KAZN: variants seen among roughly 807,000 people sequenced by gnomAD.
The protein encoded by KAZN is kazrin.
Under a neutral mutation model 87.4 loss-of-function variants are expected in KAZN, and 40 were observed. The observed-to-expected ratio is 0.46, with a 90% CI of 0.36 to 0.60. The LOEUF is 0.60. KAZN is among the 20% of genes least tolerant of loss of function. The pLI is 0.00. For synonymous variants in KAZN, 466 were observed against 458.3 expected (o/e 1.02, Z -0.22); for missense variants, 898 against 1,073.9 (o/e 0.84, Z 2.29).
intron 1 of KAZN, among the ~76,000 whole-genome samples, chr1:14,611,117 T>C (rs368062410): frequency 1.6e-4 from 25 of 152,284 alleles, no homozygotes; most frequent in African/African-American, 6.0e-4. Context: ...GGGCATTTTT[T>C]TCTGTGCATC....
At chr1:14,161,281 G>A (rs935006150) in intron 1 of KAZN, among the ~76,000 whole-genome samples, 4 of 152,194 alleles carry the variant, frequency 2.6e-5, no homozygotes, top group African/African-American at 9.7e-5. Flanking sequence ...TATGGGGCAG[G>A]AATTGTGGAG....
intron 1 of KAZN, among the ~76,000 whole-genome samples, chr1:14,849,111 G>T (rs1649134665): frequency 6.6e-6 from 1 of 152,176 alleles, no homozygotes; most frequent in African/African-American, 2.4e-5. Flanking sequence ...ACTCCCAGGG[G>T]AAAGTAGGAT....
intron 2 of KAZN, among the ~76,000 whole-genome samples, chr1:14,436,635 T>C (rs897115717): frequency 6.6e-6 from 1 of 150,378 alleles, no homozygotes; most frequent in African/African-American, 2.5e-5. Flanking sequence ...GGAGGATCAC[T>C]TGAACCCAGG....
At chr1:14,635,265 C>G (rs75569848) in intron 1 of KAZN, among the ~76,000 whole-genome samples, 1 of 152,234 alleles carries the variant, frequency 6.6e-6, no homozygotes, top group Non-Finnish European at 1.5e-5. Flanking sequence ...AGTCCTTCAC[C>G]TGCTCTAAGT....
chr1:14,944,491 C>T (rs1354724696), intron 1 of KAZN, among the ~76,000 whole-genome samples: 1 of 152,210 alleles, frequency 6.6e-6, no homozygotes, highest in East Asian at 1.9e-4. Flanking sequence ...GCAGGTCTCT[C>T]TCGCCTTCGA....
intron 1 of KAZN, among the ~76,000 whole-genome samples, chr1:13,987,364 C>T (rs549993385): frequency 9.2e-5 from 14 of 152,186 alleles, no homozygotes; most frequent in African/African-American, 3.4e-4. Context: ...ATGTTCCCCT[C>T]CCTGTGTCCA....
At chr1:14,775,350 G>A (rs950908727) in intron 1 of KAZN, among the ~76,000 whole-genome samples, 1 of 152,242 alleles carries the variant, frequency 6.6e-6, no homozygotes, top group Admixed American at 6.5e-5. Flanking sequence ...TGAGCATTCT[G>A]TTGTTCCAGC....
chr1:14,700,532 G>T (rs1641865154), intron 1 of KAZN, among the ~76,000 whole-genome samples: 1 of 151,758 alleles, frequency 6.6e-6, no homozygotes, highest in African/African-American at 2.4e-5. Context: ...TATTCTCCCA[G>T]TCTCTGATGG....
chr1:14,128,500 G>T (rs1437234676), intron 1 of KAZN, among the ~76,000 whole-genome samples: 1 of 152,172 alleles, frequency 6.6e-6, no homozygotes, highest in Non-Finnish European at 1.5e-5. Flanking sequence ...TCCTCGGCTT[G>T]CAGACAGCGG....
chr1:14,128,960 C>T (rs1425961775), intron 1 of KAZN, among the ~76,000 whole-genome samples: 1 of 152,144 alleles, frequency 6.6e-6, no homozygotes. Flanking sequence ...AGAAGCCATT[C>T]CATCTTTAAG....
intron 1 of KAZN, among the ~76,000 whole-genome samples, chr1:14,147,310 A>G (rs12738487): frequency 0.2 from 30,879 of 152,058 alleles, 3,862 homozygotes; most frequent in East Asian, 0.6. Flanking sequence ...GGTCAACTGT[A>G]TAATGTTGAA....
Position 15,055,441 on chromosome 1 carries a change from A to C in KAZN, c.727-650A>C, listed in dbSNP as rs189936040. 1.6e-3 allele frequency among the ~76,000 whole-genome samples: 251 copies of C among 152,288 alleles called. 1 individual carries two copies. Among genetic ancestry groups the C allele is most frequent in the South Asian group, 0.011 (52 of 4,818 alleles). ...GCAGTGAGCTGAGCCACTGCACTCCAGTCTGGGCAACAGAGTGAAACTCCA... is the reference window on the plus strand; with the variant it reads ...GCAGTGAGCTGAGCCACTGCACTCCCGTCTGGGCAACAGAGTGAAACTCCA... On this transcript the variant is annotated intron_variant, in intron 4 of 14. Coordinates refer to ENST00000376030, the MANE Select transcript of KAZN (RefSeq NM_201628.3).
chr1:14,558,011 T>G (rs763362185), intron 2 of KAZN, among the ~76,000 whole-genome samples: 34 of 152,232 alleles, frequency 2.2e-4, no homozygotes, highest in Non-Finnish European at 4.0e-4. Flanking sequence ...CAAACTCTGA[T>G]GTCCAAAGGG....
At chr1:14,834,568 A>T (rs113441401) in intron 1 of KAZN, among the ~76,000 whole-genome samples, 1,803 of 151,664 alleles carry the variant, frequency 0.012, 59 homozygotes, top group Admixed American at 0.074. Flanking sequence ...TCACCGTGTT[A>T]GCCAGGATGG....
intron 2 of KAZN, among the ~76,000 whole-genome samples, chr1:14,415,563 T>C (rs1159143805): frequency 6.6e-6 from 1 of 152,096 alleles, no homozygotes; most frequent in Non-Finnish European, 1.5e-5. Context: ...TGCCCCCAGG[T>C]GGTAGACCAG....
intron 1 of KAZN, among the ~76,000 whole-genome samples, chr1:13,992,955 T>C (rs908208825): frequency 6.6e-6 from 1 of 152,222 alleles, no homozygotes; most frequent in South Asian, 2.1e-4. Context: ...TTCTCTCTCA[T>C]CATCTCCCAA....
At chr1:14,924,133 C>A in intron 1 of KAZN, 2 of 982,438 alleles carry the variant, frequency 2.0e-6, no homozygotes, top group South Asian at 9.3e-5. Context: ...GACTGAGAGC[C>A]GTTCCCACGT....
chr1:14,146,843 G>A (rs1279677873), intron 1 of KAZN, among the ~76,000 whole-genome samples: 1 of 151,968 alleles, frequency 6.6e-6, no homozygotes. Context: ...TTTCAGAAGA[G>A]TTTGTCAAAG....
chr1:14,724,771 G>C (rs185152791), intron 1 of KAZN, among the ~76,000 whole-genome samples: 8 of 152,356 alleles, frequency 5.3e-5, no homozygotes, highest in Admixed American at 1.3e-4. Flanking sequence ...ATGGGCTGCG[G>C]TGGAATTGAG....
Sources: allele counts gnomAD v4.1 joint callset (sites outside exome capture counted in the v4.1 genomes callset), GRCh38; gene constraint gnomAD v4.1.1; transcripts MANE v1.5; gene names NCBI Gene and HGNC (gene_info 2026-07-23, HGNC 2026-07-21).